Variants in UPF2 observed in about 807,000 individuals in gnomAD.
UPF2 encodes the protein UPF2 regulator of nonsense mediated mRNA decay.
UPF2 carries 17 observed loss-of-function variants against 141.4 expected under a neutral mutation model. The observed-to-expected ratio is 0.12, with a 90% CI of 0.08 to 0.18. The LOEUF is 0.18. Among genes scored for constraint, UPF2 ranks in the 10% least tolerant of loss-of-function variants. The probability of loss-of-function intolerance (pLI) is 1.00; values close to 1 mark genes in which losing one functional copy is unlikely to be tolerated. For missense variants in UPF2, 1,152 were observed against 1,515.9 expected (o/e 0.76, Z 3.99); for synonymous variants, 540 against 498.0 (o/e 1.08, Z -1.12).
Position 11,959,445 on chromosome 10 carries a change from T to C in UPF2, c.2185-89A>G. 7.2e-7 allele frequency: 1 copy of C among 1,382,840 alleles called. No individual in the cohort carries two copies. Among genetic ancestry groups the C allele is most frequent in the Non-Finnish European group, 9.6e-7 (1 of 1,042,332 alleles). 85.7% of individuals were successfully genotyped at this position (1,382,840 alleles called of 1,614,324 possible). A position where few individuals can be genotyped will look rare whatever the true frequency, so the allele number is the denominator to read the frequency against. On this transcript the variant is annotated intron_variant, in intron 11 of 21. Coordinates refer to ENST00000357604, the MANE Select transcript of UPF2 (RefSeq NM_015542.4). This position sits in a 1 kb window ranked among gnomAD's most constrained non-coding sequence, Gnocchi z 5.9. ...AACTTCTATTCTCAGTGATTTGCTA[T>C]TTCAAAGTAATGGGTTAGAAAGGCA...
intron 1 of UPF2, among the ~76,000 whole-genome samples, chr10:12,037,947 TCTC>T (rs1834661618): frequency 6.6e-6 from 1 of 152,160 alleles, no homozygotes; most frequent in African/African-American, 2.4e-5. Context: ...CCTTTTTCCT[TCTC>T]CTTTTTCTTT....
intron 3 of UPF2, among the ~76,000 whole-genome samples, chr10:12,017,377 T>C (rs1328984337): frequency 1.3e-5 from 2 of 152,226 alleles, no homozygotes; most frequent in Non-Finnish European, 2.9e-5. Flanking sequence ...TTCTAACATA[T>C]AAGCAGTAGC....
chr10:11,969,510 G>GT (rs1448328037), intron 9 of UPF2, among the ~76,000 whole-genome samples: 24 of 151,940 alleles, frequency 1.6e-4, no homozygotes, highest in African/African-American at 5.8e-4. Context: ...ATACAAAATA[G>GT]TTTTGCAATT....
At chr10:12,039,252 A>C (rs1182381949) in intron 1 of UPF2, among the ~76,000 whole-genome samples, 1 of 152,196 alleles carries the variant, frequency 6.6e-6, no homozygotes, top group East Asian at 1.9e-4. Flanking sequence ...ACAGAATGGG[A>C]ATCTGAACCC....
intron 16 of UPF2, among the ~76,000 whole-genome samples, chr10:11,947,820 G>C (rs1833022455): frequency 6.8e-6 from 1 of 146,482 alleles, no homozygotes; most frequent in Non-Finnish European, 1.5e-5. Flanking sequence ...GACATGTGGA[G>C]ATCAATTTTT....
chr10:12,017,374 A>G (rs1834241067), intron 3 of UPF2, among the ~76,000 whole-genome samples: 1 of 152,274 alleles, frequency 6.6e-6, no homozygotes, highest in African/African-American at 2.4e-5. Context: ...GATTTCTAAC[A>G]TATAAGCAGT....
At chr10:12,034,513 A>C (rs1282100349) in intron 2 of UPF2, among the ~76,000 whole-genome samples, 2 of 151,160 alleles carry the variant, frequency 1.3e-5, no homozygotes, top group East Asian at 4.0e-4. Flanking sequence ...AAAGTCTTTA[A>C]AAAATAAACA....
intron 15 of UPF2, among the ~76,000 whole-genome samples, chr10:11,949,673 G>A (rs932907906): frequency 1.3e-5 from 2 of 152,142 alleles, no homozygotes. Context: ...AATCTTAGAG[G>A]ATTCAAGCAG....
chr10:12,006,610 CA>C (rs1834039655), intron 4 of UPF2, among the ~76,000 whole-genome samples: 1 of 152,038 alleles, frequency 6.6e-6, no homozygotes. Flanking sequence ...AAAACACTGA[CA>C]TATTTACAAC....
intron 7 of UPF2, among the ~76,000 whole-genome samples, chr10:11,999,054 A>G (rs1334595899): frequency 6.6e-6 from 1 of 150,916 alleles, no homozygotes; most frequent in Non-Finnish European, 1.5e-5. Flanking sequence ...ATTTGTATGG[A>G]CTCAACAAGG....
At chr10:12,008,544 C>T (rs755230809) in intron 4 of UPF2, among the ~76,000 whole-genome samples, 9 of 147,424 alleles carry the variant, frequency 6.1e-5, no homozygotes, top group African/African-American at 1.0e-4. Context: ...GCAGGAGAAT[C>T]GCTTGAACCC....
intron 10 of UPF2, among the ~76,000 whole-genome samples, 176 bp downstream of exon 10, chr10:11,967,165 T>C (rs142235788): frequency 3.9e-4 from 60 of 152,358 alleles, no homozygotes; most frequent in African/African-American, 1.3e-3. Flanking sequence ...ACTGCATAAG[T>C]ATCTAAGATC....
At chr10:11,984,971 CCA>C (rs1366508168) in intron 8 of UPF2, among the ~76,000 whole-genome samples, 2 of 152,318 alleles carry the variant, frequency 1.3e-5, no homozygotes, top group South Asian at 4.1e-4. Context: ...CCTCGGCCTC[CCA>C]CAGTGCTGGG....
At chr10:12,040,782 A>G (rs1449551657) in intron 1 of UPF2, among the ~76,000 whole-genome samples, 1 of 152,238 alleles carries the variant, frequency 6.6e-6, no homozygotes, top group Middle Eastern at 3.2e-3. Context: ...AGATGGATAT[A>G]CTGCTATCTA....
At chr10:12,000,256 G>C (rs1327456565) in intron 6 of UPF2, among the ~76,000 whole-genome samples, 2 of 152,108 alleles carry the variant, frequency 1.3e-5, no homozygotes. Context: ...CAAAAACTTG[G>C]TCAGAAAAAG....
intron 1 of UPF2, among the ~76,000 whole-genome samples, chr10:12,039,090 A>G (rs1233405390): frequency 6.6e-6 from 1 of 152,202 alleles, no homozygotes; most frequent in African/African-American, 2.4e-5. Flanking sequence ...TATAATACTA[A>G]TACACTACTC....
intron 21 of UPF2, among the ~76,000 whole-genome samples, chr10:11,928,481 G>A (rs921649573): frequency 3.0e-4 from 46 of 152,156 alleles, no homozygotes; most frequent in African/African-American, 7.9e-4. Context: ...AGGCCGAGGC[G>A]GGCGGATCAC....
intron 16 of UPF2, among the ~76,000 whole-genome samples, chr10:11,943,920 G>A (rs756796116): frequency 1.3e-5 from 2 of 149,776 alleles, no homozygotes; most frequent in Admixed American, 6.7e-5. Context: ...AGGGCACAAA[G>A]CACAGAGTGG....
intron 1 of UPF2, among the ~76,000 whole-genome samples, chr10:12,036,950 G>A (rs772434040): frequency 3.3e-5 from 5 of 152,102 alleles, no homozygotes; most frequent in African/African-American, 9.7e-5. Context: ...GCTTGAACCC[G>A]GGAAGCGGAG....
Sources: allele counts gnomAD v4.1 joint callset (sites outside exome capture counted in the v4.1 genomes callset), GRCh38; gene constraint gnomAD v4.1.1; non-coding constraint Gnocchi (gnomAD v3.1); transcripts MANE v1.5; gene names NCBI Gene and HGNC (gene_info 2026-07-23, HGNC 2026-07-21).